The following TIMP1 variants were observed in gnomAD, a reference collection of about 807,000 sequenced individuals.
TIMP1 encodes TIMP metallopeptidase inhibitor 1.
Under a neutral mutation model 13.7 loss-of-function variants are expected in TIMP1, and 5 were observed. That is an observed-to-expected ratio of 0.36 (90% CI 0.19 to 0.76). TIMP1 has a LOEUF of 0.76. TIMP1 is among the 30% of genes least tolerant of loss of function. The pLI is 0.51. For missense variants in TIMP1, 131 were observed against 168.4 expected (o/e 0.78, Z 1.23); for synonymous variants, 63 against 67.1 (o/e 0.94, Z 0.30).
Position 47,586,730 on chromosome X carries a change from C to A in TIMP1, c.*39C>A, listed in dbSNP as rs779510865. ...TGGAAGCTGAAGCCTGCACAGTGTCCACCCTGTTCCCACTCCCATCTTTCT... is the reference window on the plus strand; with the variant it reads ...TGGAAGCTGAAGCCTGCACAGTGTCAACCCTGTTCCCACTCCCATCTTTCT... On this transcript the variant is annotated 3_prime_UTR_variant, in exon 6 of 6. Transcript: ENST00000218388. The A allele has an allele frequency of 1.1e-5, 13 of 1,176,883 alleles. 1 individual carries two copies. In the South Asian group the frequency reaches 2.4e-4, roughly 21 times the overall value.
At chrX:47,584,117 A>G (rs1010495379) in intron 2 of TIMP1, among the ~76,000 whole-genome samples, 1 of 111,674 alleles carries the variant, frequency 9.0e-6, no homozygotes, top group Non-Finnish European at 1.9e-5. Context: ...ACGTAACAGG[A>G]TTCTTGCTGA....
chrX:47,586,697 GC>G lies in TIMP1; in HGVS notation c.*9del. On this transcript the variant is annotated 3_prime_UTR_variant, in exon 6 of 6. Transcript: ENST00000218388. ...TGCGGTCCCAGATAGCCTGAATCCTGCCCGGAGTGGAAGCTGAAGCCTGCAC... is the reference window on the plus strand; with the variant it reads ...TGCGGTCCCAGATAGCCTGAATCCTGCCGGAGTGGAAGCTGAAGCCTGCAC... 8.3e-7 allele frequency: 1 copy of G among 1,206,171 alleles called. No individual in the cohort carries two copies.
chrX:47,586,780 C>T lies in TIMP1; in HGVS notation c.*89C>T. The T allele has an allele frequency of 1.9e-6, 2 of 1,077,419 alleles. No individual in the cohort carries two copies. Among genetic ancestry groups the T allele is most frequent in the Non-Finnish European group, 2.5e-6 (2 of 805,314 alleles). The allele number at this position is 1,077,419 out of a possible 1,213,427, so 88.8% of individuals were successfully genotyped here. On this transcript the variant is annotated 3_prime_UTR_variant, in exon 6 of 6. Coordinates refer to ENST00000218388, the MANE Select transcript of TIMP1 (RefSeq NM_003254.3). ...TTCCGGACAATGAAATAAAGAGTTA[C>T]CACCCAGCAGACACTGTTTCTGTGT...
chrX:47,586,369 C>G, intron 5 of TIMP1, 152 bp from the exon 6 acceptor site: 2 of 1,079,979 alleles, frequency 1.9e-6, no homozygotes, highest in Non-Finnish European at 2.4e-6. Context: ...TGACATTTCC[C>G]TCAATGGGAG....
Position 47,585,651 on chromosome X carries a change from G to A in TIMP1, c.437G>A (p.Gly146Asp). 1.4e-5 allele frequency: 17 copies of A among 1,205,634 alleles called. No homozygotes were observed. The highest frequency in any genetic ancestry group is 1.9e-5 in the Non-Finnish European group (17 of 892,550). Residue 146 changes from glycine to aspartate, a missense_variant, in exon 5 of 6, where the codon GGC becomes GAC. Physicochemically the swap from Gly to Asp is moderately conservative, Grantham distance 94. Coordinates refer to ENST00000218388, the MANE Select transcript of TIMP1 (RefSeq NM_003254.3). Reference sequence around the variant, plus strand: ...GGCTTCACCAAGACCTACACTGTTGGCTGTGAGGAATGCACAGTGAGTGCC... The same window carrying A: ...GGCTTCACCAAGACCTACACTGTTGACTGTGAGGAATGCACAGTGAGTGCC... ...RRGFTKTYTV[G>D]CEECTVFPCL...
intron 5 of TIMP1, 49 bp downstream of exon 5, chrX:47,585,716 T>C (rs2057822475): frequency 8.3e-7 from 1 of 1,199,254 alleles, no homozygotes; most frequent in African/African-American, 1.8e-5. Context: ...CCCGGGGCCA[T>C]TCCCTAAATC....
chrX:47,585,938 C>T, intron 5 of TIMP1: 1 of 1,098,896 alleles, frequency 9.1e-7, no homozygotes, highest in Non-Finnish European at 1.2e-6. Flanking sequence ...TTCTGTAATC[C>T]CACTCCCCGT....
At chrX:47,582,651 A>G in intron 1 of TIMP1, 177 bp downstream of exon 1, 2 of 322,496 alleles carry the variant, frequency 6.2e-6, no homozygotes, top group Non-Finnish European at 1.3e-5. Flanking sequence ...TGCTTTCCCA[A>G]CCCCGAGGCT....
chrX:47,583,665 T>A (rs2057809688), intron 2 of TIMP1, 129 bp downstream of exon 2: 2 of 772,124 alleles, frequency 2.6e-6, no homozygotes. Flanking sequence ...TTAGCCACAC[T>A]GGCATCCTCA....
chrX:47,586,461 T>A, intron 5 of TIMP1, 60 bp from the exon 6 acceptor site: 2 of 1,181,171 alleles, frequency 1.7e-6, no homozygotes, highest in Non-Finnish European at 2.3e-6. Context: ...GGAGAGGAAG[T>A]TCTGCTCCAC....
rs753438356 is a variant in TIMP1 at position 47,584,855 on chromosome X, T to TATG, written c.122-60_122-58dup. 167 of 851,118 alleles carry TATG rather than the reference T, an allele frequency of 2.0e-4. No individual in the cohort carries two copies. In the East Asian group the frequency reaches 2.6e-3, roughly 13 times the overall value. The allele number at this position is 851,118 out of a possible 1,213,427, so 70.1% of individuals were successfully genotyped here. ...CCTATTTATGTATGCGCTTTGCTGG[T>TATG]ATGATGATGATGATGATGATGATCT... On this transcript the variant is annotated intron_variant, in intron 2 of 5. Transcript: ENST00000218388.
At position 47,586,583 on chromosome X, in the gene TIMP1, C is replaced by G. The variant is rs745510633; in HGVS notation, c.516C>G (p.Asp172Glu). 4.0e-5 allele frequency: 48 copies of G among 1,210,664 alleles called. No individual in the cohort carries two copies. Among genetic ancestry groups the G allele is most frequent in the Non-Finnish European group, 5.4e-5 (48 of 895,349 alleles). ...LQSGTHCLWT[D>E]QLLQGSEKGF... ...GTGGCACTCATTGCTTGTGGACGGA[C>G]CAGCTCCTCCAAGGCTCTGAAAAGG... The change falls in exon 6 of 6, where the codon GAC becomes GAG. Residue 172 changes from aspartate to glutamate, a missense_variant. Asp to Glu is a conservative substitution (Grantham distance 45). Transcript: ENST00000218388.
At chrX:47,586,116 G>C (rs1431926954) in intron 5 of TIMP1, 7 of 937,425 alleles carry the variant, frequency 7.5e-6, no homozygotes, top group Non-Finnish European at 4.0e-6. Context: ...GCTAGTCCAA[G>C]CCTGTTCCCT....
chrX:47,585,541 AG>A lies in TIMP1; in HGVS notation c.329del, dbSNP rs757320030. 2 of 1,200,437 alleles carry A rather than the reference AG, an allele frequency of 1.7e-6. No individual in the cohort carries two copies. The highest frequency in any genetic ancestry group is 2.2e-6 in the Non-Finnish European group (2 of 889,347). ...CGGTCCCCGCCCCGCCTTTCTCCTT[AG>A]GAAAACTGCAGGATGGACTCTTGCA... On this transcript the variant is annotated splice_acceptor_variant, in intron 4 of 5. Coordinates refer to ENST00000218388, the MANE Select transcript of TIMP1 (RefSeq NM_003254.3). LOFTEE classifies it high-confidence loss of function.
chrX:47,585,187 C>T lies in TIMP1; in HGVS notation c.202-18C>T. On this transcript the variant is annotated intron_variant, in intron 3 of 5. Transcript: ENST00000218388. ...GATTATGTCAGTAAAAGAGACACTT[C>T]CCCTCATCCATCAACAGATGTATAA... 1 of 1,173,647 alleles carries T rather than the reference C, an allele frequency of 8.5e-7. No individual in the cohort carries two copies. The highest frequency in any genetic ancestry group is 3.0e-5 in the East Asian group (1 of 33,445).
intron 2 of TIMP1, among the ~76,000 whole-genome samples, chrX:47,583,768 A>G (rs762864743): frequency 4.5e-5 from 5 of 111,538 alleles, no homozygotes; most frequent in Non-Finnish European, 9.4e-5. Flanking sequence ...AGGTATCCAC[A>G]TGGGTGGCTG....
Position 47,586,598 on chromosome X carries a change from C to A in TIMP1, c.531C>A (p.Gly177=). 8.2e-7 allele frequency: 1 copy of A among 1,212,161 alleles called. No individual in the cohort carries two copies. The highest frequency in any genetic ancestry group is 1.1e-6 in the Non-Finnish European group (1 of 895,610). ...TGTGGACGGACCAGCTCCTCCAAGG[C>A]TCTGAAAAGGGCTTCCAGTCCCGTC... ...HCLWTDQLLQ[G]SEKGFQSRHL... is the part of the protein sequence containing the mutation. The change falls in exon 6 of 6, where the codon GGC becomes GGA. Residue 177 remains glycine, a synonymous_variant. Coordinates refer to ENST00000218388, the MANE Select transcript of TIMP1 (RefSeq NM_003254.3).
At chrX:47,585,772 C>G in intron 5 of TIMP1, 105 bp downstream of exon 5, 1 of 1,165,992 alleles carries the variant, frequency 8.6e-7, no homozygotes, top group Non-Finnish European at 1.1e-6. Context: ...GTCCCTGTGG[C>G]TGCTCCCCAA....
Position 47,585,602 on chromosome X carries a change from A to T in TIMP1, c.388A>T (p.Ser130Cys), listed in dbSNP as rs751311919. ...CTGCAGTTTTGTGGCTCCCTGGAAC[A>T]GCCTGAGCTTAGCTCAGCGCCGGGG... ...TTCSFVAPWN[S>C]LSLAQRRGFT... The change falls in exon 5 of 6, where the codon AGC becomes TGC. Residue 130 changes from serine to cysteine, a missense_variant. By Grantham distance (112) the Ser-to-Cys change is moderately radical (BLOSUM62 -1). Transcript: ENST00000218388. The T allele has an allele frequency of 8.4e-7, 1 of 1,196,796 alleles. No individual in the cohort carries two copies. Among genetic ancestry groups the T allele is most frequent in the Non-Finnish European group, 1.1e-6 (1 of 888,303 alleles).
Sources: allele counts gnomAD v4.1 joint callset (sites outside exome capture counted in the v4.1 genomes callset), GRCh38; gene constraint gnomAD v4.1.1; transcripts MANE v1.5; gene names NCBI Gene and HGNC (gene_info 2026-07-23, HGNC 2026-07-21).